Variants in H6PD observed in about 807,000 individuals in gnomAD.
The protein encoded by H6PD is hexose-6-phosphate dehydrogenase/glucose 1-dehydrogenase.
Under a neutral mutation model 61.2 loss-of-function variants are expected in H6PD, and 48 were observed. That is an observed-to-expected ratio of 0.78 (90% confidence interval 0.62 to 1.00). The LOEUF is 1.00. Among genes scored for constraint, H6PD ranks in the 50% least tolerant of loss-of-function variants. H6PD has a pLI of 0.00. For synonymous variants in H6PD, 480 were observed against 457.9 expected (o/e 1.05, Z -0.62); for missense variants, 1,093 against 1,065.0 (o/e 1.03, Z -0.37).
chr1:9,247,070 C>T lies in H6PD; in HGVS notation c.732C>T (p.Thr244=), dbSNP rs118005430. The change falls in exon 3 of 5, where the codon ACC becomes ACT. Residue 244 remains threonine (T), a synonymous_variant. Coordinates refer to ENST00000377403, the MANE Select transcript of H6PD (RefSeq NM_004285.4). ...GGGTGGAGATCATCATGAAAGAGACCGTGGATGCTGAAGGTGTGTGAGTGG... is the reference window on the plus strand; with the variant it reads ...GGGTGGAGATCATCATGAAAGAGACTGTGGATGCTGAAGGTGTGTGAGTGG... ...VERVEIIMKE[T]VDAEGRTSFY... 1.7e-5 allele frequency: 27 copies of T among 1,608,554 alleles called. No individual in the cohort carries two copies. The highest frequency in any genetic ancestry group is 3.3e-4 in the Middle Eastern group (2 of 6,054).
intron 1 of H6PD, among the ~76,000 whole-genome samples, chr1:9,244,520 A>G (rs1027574382): frequency 6.6e-6 from 1 of 152,192 alleles, no homozygotes; most frequent in Non-Finnish European, 1.5e-5. Flanking sequence ...AGGACCTGCC[A>G]CTATACCTAG....
chr1:9,245,040 G>C lies in H6PD; in HGVS notation c.106G>C (p.Asp36His). ...VSIILLGATG[D>H]LAKKYLWQGL... ...CATAATCCTGCTGGGAGCAACTGGG[G>C]ACCTGGCTAAGAAGTACTTATGGCA... The change falls in exon 2 of 5, where the codon GAC becomes CAC. Residue 36 changes from aspartate to histidine, a missense_variant. Coordinates refer to ENST00000377403, the MANE Select transcript of H6PD (RefSeq NM_004285.4). The surrounding 1 kb of genome is among the most constrained non-coding windows in gnomAD (Gnocchi z 4.8). 1 of 1,614,206 alleles carries C rather than the reference G, an allele frequency of 6.2e-7. No homozygotes were observed. Among genetic ancestry groups the C allele is most frequent in the Non-Finnish European group, 8.5e-7 (1 of 1,180,038 alleles).
At position 9,263,679 on chromosome 1, in the gene H6PD, C is replaced by G; in HGVS notation, c.1186C>G (p.Arg396Gly). 2 of 1,614,052 alleles carry G rather than the reference C, an allele frequency of 1.2e-6. No individual in the cohort carries two copies. Among genetic ancestry groups the G allele is most frequent in the Non-Finnish European group, 1.7e-6 (2 of 1,180,012 alleles). The change falls in exon 5 of 5, where the codon CGG becomes GGG. Residue 396 changes from arginine to glycine, a missense_variant. By Grantham distance (125) the Arg-to-Gly change is moderately radical. Coordinates refer to ENST00000377403, the MANE Select transcript of H6PD (RefSeq NM_004285.4). ...WAAAQSQCLPRQLVFHIGHGD... is the reference protein window; with the variant it reads ...WAAAQSQCLPGQLVFHIGHGD... ...CGCGGCGCAGAGCCAGTGCCTGCCC[C>G]GGCAGCTCGTCTTCCACATCGGCCA... is the stretch of plus-strand genomic sequence containing the variant.
In H6PD at chr1:9,265,116, G is replaced by A. The variant is rs963447785; in HGVS notation, c.*247G>A. ...TGCTCCTGAGAAGCTTCAAATTCAGGCCAGGAGAGAAGTCTTAAGAAAAGA... is the reference window on the plus strand; with the variant it reads ...TGCTCCTGAGAAGCTTCAAATTCAGACCAGGAGAGAAGTCTTAAGAAAAGA... On this transcript the variant is annotated 3_prime_UTR_variant, in exon 5 of 5. Coordinates refer to ENST00000377403, the MANE Select transcript of H6PD (RefSeq NM_004285.4). 6.8e-6 allele frequency: 4 copies of A among 590,272 alleles called. No individual in the cohort carries two copies. Among genetic ancestry groups the A allele is most frequent in the Admixed American group, 5.8e-5 (2 of 34,696 alleles). The allele number at this position is 590,272 out of a possible 1,614,324, so 36.6% of individuals were successfully genotyped here.
At chr1:9,255,024 C>G (rs1641472869) in intron 3 of H6PD, among the ~76,000 whole-genome samples, 1 of 152,174 alleles carries the variant, frequency 6.6e-6, no homozygotes. Context: ...TGTACCAGCA[C>G]TTCATTTCTT....
rs1338199892 is a variant in H6PD at position 9,254,553 on chromosome 1, C to T, written c.745+7470C>T. 6.6e-6 allele frequency among the ~76,000 whole-genome samples: 1 copy of T among 152,116 alleles called. No individual in the cohort carries two copies. The highest frequency in any genetic ancestry group is 1.5e-5 in the Non-Finnish European group (1 of 68,022). On this transcript the variant is annotated intron_variant, in intron 3 of 4. Coordinates refer to ENST00000377403, the MANE Select transcript of H6PD (RefSeq NM_004285.4). The surrounding 1 kb of genome is among the most constrained non-coding windows in gnomAD (Gnocchi z 4.6). ...TCGTTCCCTCCTACCTTTGTTACTT[C>T]CTTTGATGGCAGCAAAGGCTGCCTC...
intron 3 of H6PD, among the ~76,000 whole-genome samples, chr1:9,250,181 G>A (rs948753932): frequency 6.6e-6 from 1 of 152,198 alleles, no homozygotes; most frequent in Non-Finnish European, 1.5e-5. Context: ...GGCTGCCACT[G>A]CTGTCCCGGG....
chr1:9,261,930 T>C, intron 3 of H6PD, 129 bp from the exon 4 acceptor site: 1 of 939,262 alleles, frequency 1.1e-6, no homozygotes, highest in Non-Finnish European at 1.7e-6. Flanking sequence ...ACCATTTTTA[T>C]AGGCCCTGTG....
At chr1:9,238,334 A>G (rs1370729433) in intron 1 of H6PD, among the ~76,000 whole-genome samples, 1 of 152,046 alleles carries the variant, frequency 6.6e-6, no homozygotes, top group Non-Finnish European at 1.5e-5. Flanking sequence ...ATCTGCACAG[A>G]GGAATGGCAT....
intron 2 of H6PD, among the ~76,000 whole-genome samples, chr1:9,246,184 T>A (rs1641169624): frequency 6.6e-6 from 1 of 152,204 alleles, no homozygotes; most frequent in East Asian, 1.9e-4. Context: ...CTTCAAGTGA[T>A]CCGCTCACTT....
At chr1:9,236,668 TAAA>T (rs34967254) in intron 1 of H6PD, among the ~76,000 whole-genome samples, 4 of 111,414 alleles carry the variant, frequency 3.6e-5, no homozygotes, top group Admixed American at 9.3e-5. Context: ...GACTTCTCCT[TAAA>T]AAAAAAAAAA....
rs1406686536 is a variant in H6PD at position 9,267,960 on chromosome 1, A to G, written c.*3091A>G. ...TAAAATGCTTCTTAAAATTCACTAA[A>G]TTGGGCTAGGTGTGGCTCATGCCTG... On this transcript the variant is annotated 3_prime_UTR_variant, in exon 5 of 5. Transcript: ENST00000377403. The G allele has an allele frequency of 6.6e-6, 1 of 152,168 alleles. No homozygotes were observed. The highest frequency in any genetic ancestry group is 1.5e-5 in the Non-Finnish European group (1 of 68,024). The allele number at this position is 152,168 out of a possible 1,614,324, so 9.4% of individuals were successfully genotyped here. A position where few individuals can be genotyped will look rare whatever the true frequency, so the allele number is the denominator to read the frequency against.
chr1:9,261,189 C>G (rs1448141586), intron 3 of H6PD, among the ~76,000 whole-genome samples: 1 of 152,172 alleles, frequency 6.6e-6, no homozygotes, highest in African/African-American at 2.4e-5. Context: ...CTCGTCTTCT[C>G]CTGCCTCAGA....
chr1:9,252,129 TG>T (rs1641384839), intron 3 of H6PD, among the ~76,000 whole-genome samples: 1 of 152,158 alleles, frequency 6.6e-6, no homozygotes, highest in South Asian at 2.1e-4. Flanking sequence ...GCAGCGGCAG[TG>T]TTCTTGCAGT....
chr1:9,237,682 T>C (rs577857603), intron 1 of H6PD, among the ~76,000 whole-genome samples: 1 of 152,310 alleles, frequency 6.6e-6, no homozygotes, highest in South Asian at 2.1e-4. Context: ...TATAGTTAAA[T>C]ACTCCATAAA....
chr1:9,235,313 C>T (rs1203422157), intron 1 of H6PD, among the ~76,000 whole-genome samples: 1 of 152,096 alleles, frequency 6.6e-6, no homozygotes, highest in Non-Finnish European at 1.5e-5. Flanking sequence ...TCCGAGATTT[C>T]CCCCGGGACC....
rs539552815 is a variant in H6PD, at chr1:9,263,894, T to C, written c.1401T>C (p.His467=). Residue 467 remains histidine (H), a synonymous_variant, in exon 5 of 5, where the codon CAT becomes CAC. Coordinates refer to ENST00000377403, the MANE Select transcript of H6PD (RefSeq NM_004285.4). ...CCGTCCTCTTATCCCATATCTTCCATGGCCGGAAGAATTTCTTCATCACCA... is the reference window on the plus strand; with the variant it reads ...CCGTCCTCTTATCCCATATCTTCCACGGCCGGAAGAATTTCTTCATCACCA... ...AHSVLLSHIF[H]GRKNFFITTE... The C allele has an allele frequency of 2.5e-6, 4 of 1,614,154 alleles. No homozygotes were observed. Among genetic ancestry groups the C allele is most frequent in the African/African-American group, 1.3e-5 (1 of 75,074 alleles).
Position 9,266,163 on chromosome 1 carries a change from A to G in H6PD, c.*1294A>G, listed in dbSNP as rs1638553115. On this transcript the variant is annotated 3_prime_UTR_variant, in exon 5 of 5. Transcript: ENST00000377403. ...ATCCAGGCGGCTCTGCTCCCACCAG[A>G]CAGGAGCTAGGCCTCACTGGCAGGG... 6.6e-6 allele frequency: 1 copy of G among 152,244 alleles called. No individual in the cohort carries two copies. 9.4% of individuals were successfully genotyped at this position (152,244 alleles called of 1,614,324 possible).
chr1:9,264,471 C>T lies in H6PD; in HGVS notation c.1978C>T (p.Gln660Ter). The change falls in exon 5 of 5, where the codon CAG becomes TAG. Residue 660 changes from glutamine to a stop codon, truncating the protein, a stop_gained. Coordinates refer to ENST00000377403, the MANE Select transcript of H6PD (RefSeq NM_004285.4). LOFTEE classifies it high-confidence loss of function. Reference sequence around the variant, plus strand: ...CCACCCCATGCCTGTGCACCTGCAGCAGCGGCTCTGCGCCGAGGAGGACCA... The same window carrying T: ...CCACCCCATGCCTGTGCACCTGCAGTAGCGGCTCTGCGCCGAGGAGGACCA... ...NIHPMPVHLQ[Q>*]RLCAEEDQGA... 6.2e-7 allele frequency: 1 copy of T among 1,613,308 alleles called. No homozygotes were observed. Among genetic ancestry groups the T allele is most frequent in the South Asian group, 1.1e-5 (1 of 91,080 alleles).
Sources: allele counts gnomAD v4.1 joint callset (sites outside exome capture counted in the v4.1 genomes callset), GRCh38; gene constraint gnomAD v4.1.1; non-coding constraint Gnocchi (gnomAD v3.1); transcripts MANE v1.5; gene names NCBI Gene and HGNC (gene_info 2026-07-23, HGNC 2026-07-21).